Variants in NKAIN4 observed in about 807,000 individuals in gnomAD.
The protein encoded by NKAIN4 is sodium/potassium transporting ATPase interacting 4, also known as sodium/potassium-transporting ATPase subunit beta-1-interacting protein 4.
A neutral mutation model predicts 28.8 loss-of-function variants in NKAIN4; 28 were observed. The observed-to-expected ratio is 0.97, with a 90% CI of 0.72 to 1.33. The LOEUF (loss-of-function observed/expected upper bound fraction) is 1.33, where lower values mean the gene tolerates loss of function less well. Among genes scored for constraint, NKAIN4 ranks in the 40% most tolerant of loss-of-function variants. The probability of loss-of-function intolerance (pLI) is 0.00; values close to 1 mark genes in which losing one functional copy is unlikely to be tolerated. For missense variants in NKAIN4, 289 were observed against 277.2 expected (o/e 1.04, Z -0.30); for synonymous variants, 122 against 115.6 (o/e 1.06, Z -0.36).
intron 4 of NKAIN4, chr20:63,246,798 G>T: frequency 1.0e-6 from 1 of 985,458 alleles, no homozygotes; most frequent in South Asian, 4.7e-5. Context: ...ACCCGCCTCA[G>T]CTTTTGCCTC....
At chr20:63,241,969 C>A (rs1029137815) in intron 6 of NKAIN4, among the ~76,000 whole-genome samples, 1 of 152,112 alleles carries the variant, frequency 6.6e-6, no homozygotes, top group Non-Finnish European at 1.5e-5. Context: ...TGTCTGGGGG[C>A]CTGGGCAGCC....
rs1291684990 is a variant in NKAIN4, at chr20:63,241,407, G to T, written c.*90C>A. 8.5e-6 allele frequency: 12 copies of T among 1,407,742 alleles called. No homozygotes were observed. The highest frequency in any genetic ancestry group is 1.4e-5 in the African/African-American group (1 of 70,264). The allele number at this position is 1,407,742 out of a possible 1,614,324, so 87.2% of individuals were successfully genotyped here. A position where few individuals can be genotyped will look rare whatever the true frequency, so the allele number is the denominator to read the frequency against. The stretch of plus-strand genomic sequence containing the variant: ...GCCGCCTGGGGGGTGCTGGGTGGGG[G>T]CGCGTCCCAAGGCCTGGGAGCTCCT... On this transcript the variant is annotated 3_prime_UTR_variant, in exon 7 of 7. Transcript: ENST00000370316.
At chr20:63,242,848 G>A (rs920797293) in intron 5 of NKAIN4, among the ~76,000 whole-genome samples, 5 of 148,144 alleles carry the variant, frequency 3.4e-5, no homozygotes, top group African/African-American at 1.2e-4. Flanking sequence ...GACAGTGGGG[G>A]TGGGACAGCC....
rs2066831547 is a variant in NKAIN4, at chr20:63,245,077, C to T, written c.472-993G>A. On this transcript the variant is annotated intron_variant, in intron 4 of 6. Coordinates refer to ENST00000370316, the MANE Select transcript of NKAIN4 (RefSeq NM_152864.4). This position sits in a 1 kb window ranked among gnomAD's most constrained non-coding sequence, Gnocchi z 4.7. ...ACGCAGGCCAGGCCCCAGGGCTGGACATGCTTGGGCTCCGTCCCCCCGACC... is the reference window on the plus strand; with the variant it reads ...ACGCAGGCCAGGCCCCAGGGCTGGATATGCTTGGGCTCCGTCCCCCCGACC... 6.6e-6 allele frequency among the ~76,000 whole-genome samples: 1 copy of T among 152,186 alleles called. No individual in the cohort carries two copies. Among genetic ancestry groups the T allele is most frequent in the African/African-American group, 2.4e-5 (1 of 41,454 alleles).
At chr20:63,253,119 C>T (rs1168716582) in intron 1 of NKAIN4, 1 of 761,444 alleles carries the variant, frequency 1.3e-6, no homozygotes, top group Non-Finnish European at 1.6e-6. Flanking sequence ...CCGACGGGCA[C>T]TGGAGTCTTC....
In NKAIN4 at chr20:63,242,593, G is replaced by C; in HGVS notation, c.563C>G (p.Pro188Arg). The change falls in exon 6 of 7, where the codon CCT (proline) becomes CGT (arginine). Residue 188 changes from proline to arginine, a missense_variant. Coordinates refer to ENST00000370316, the MANE Select transcript of NKAIN4 (RefSeq NM_152864.4). ...FDFIGGFDPF[P>R]LYHVNEKPSS... ...TGGCTTTTCATTGACATGGTAGAGA[G>C]GAAATGGATCAAATCCACCAATGAA... 1 of 1,613,384 alleles carries C rather than the reference G, an allele frequency of 6.2e-7. No homozygotes were observed. The highest frequency in any genetic ancestry group is 8.5e-7 in the Non-Finnish European group (1 of 1,179,556).
In NKAIN4 at chr20:63,245,959, G is replaced by A. The variant is rs941748018; in HGVS notation, c.471+1619C>T. Among the ~76,000 whole-genome samples, 2 of 146,460 alleles carry A rather than the reference G, an allele frequency of 1.4e-5. No homozygotes were observed. The highest frequency in any genetic ancestry group is 3.0e-5 in the Non-Finnish European group (2 of 67,256). ...TTTTTTTTTTTTGAGACAGAGTCTC[G>A]CTCTGTCACCCAGGCTGGAGTGCAG... On this transcript the variant is annotated intron_variant, in intron 4 of 6. Transcript: ENST00000370316. The surrounding 1 kb of genome is among the most constrained non-coding windows in gnomAD (Gnocchi z 4.7).
At chr20:63,250,678 C>T (rs73153533) in intron 1 of NKAIN4, among the ~76,000 whole-genome samples, 2,022 of 151,436 alleles carry the variant, frequency 0.013, 25 homozygotes, top group Non-Finnish European at 0.02. Context: ...TACACAGGGC[C>T]GAGAGAGAAC....
chr20:63,247,578 C>G lies in NKAIN4; in HGVS notation c.471G>C (p.Ala157=). ...CGGGGGCCCCCTTCCCCACGCTCACCGCGATCAGGATCTGCAGGCAACTGT... is the reference window on the plus strand; with the variant it reads ...CGGGGGCCCCCTTCCCCACGCTCACGGCGATCAGGATCTGCAGGCAACTGT... ...ALHSCLQILI[A]LLGFVCGCQV... The change falls in exon 4 of 7, where the codon GCG becomes GCC. Residue 157 remains alanine, a splice_region_variant and synonymous_variant. Transcript: ENST00000370316. 6.5e-7 allele frequency: 1 copy of G among 1,546,454 alleles called. No individual in the cohort carries two copies. The highest frequency in any genetic ancestry group is 8.7e-7 in the Non-Finnish European group (1 of 1,144,568).
rs2123131986 is a variant in NKAIN4, at chr20:63,252,322, G to A, written c.54+2075C>T. On this transcript the variant is annotated intron_variant, in intron 1 of 6. Coordinates refer to ENST00000370316, the MANE Select transcript of NKAIN4 (RefSeq NM_152864.4). This position sits in a 1 kb window ranked among gnomAD's most constrained non-coding sequence, Gnocchi z 4.6. ...CCCAGGGTCTCCTCAATGCAGCAGG[G>A]CAGAGCCTGGGAATTGGACGCAGCA... Among the ~76,000 whole-genome samples, 1 of 152,230 alleles carries A rather than the reference G, an allele frequency of 6.6e-6. No individual in the cohort carries two copies. The highest frequency in any genetic ancestry group is 1.9e-4 in the East Asian group (1 of 5,172).
chr20:63,243,471 C>T (rs560728126), intron 5 of NKAIN4, among the ~76,000 whole-genome samples: 7 of 152,150 alleles, frequency 4.6e-5, no homozygotes, highest in Non-Finnish European at 8.8e-5. Flanking sequence ...CTTCCCCACC[C>T]GGCTCTATCC....
intron 1 of NKAIN4, among the ~76,000 whole-genome samples, chr20:63,253,062 C>T (rs1266057880): frequency 6.6e-6 from 1 of 152,208 alleles, no homozygotes; most frequent in East Asian, 1.9e-4. Context: ...GGCCATGCTC[C>T]AAACTGGGGT....
At chr20:63,244,655 C>A in intron 4 of NKAIN4, 2 of 416,290 alleles carry the variant, frequency 4.8e-6, no homozygotes, top group Non-Finnish European at 9.9e-6. Context: ...AGGGGTCAGG[C>A]AGGGAGAGGG....
At chr20:63,246,800 T>C in intron 4 of NKAIN4, 1 of 985,422 alleles carries the variant, frequency 1.0e-6, no homozygotes, top group Non-Finnish European at 1.2e-6. Flanking sequence ...CCGCCTCAGC[T>C]TTTGCCTCTT....
chr20:63,247,241 G>A (rs1435092328), intron 4 of NKAIN4: 5 of 1,239,678 alleles, frequency 4.0e-6, no homozygotes, highest in Non-Finnish European at 5.1e-6. Flanking sequence ...GAAGATGCAT[G>A]CCCCTCCTCC....
Position 63,245,005 on chromosome 20 carries a change from C to T in NKAIN4, c.472-921G>A, listed in dbSNP as rs2066830044. ...GGTTTCTTCCTCCATAGACTTGGCC[C>T]AACAGCCCCCCGTGAAGGCCACCGT... On this transcript the variant is annotated intron_variant, in intron 4 of 6. Coordinates refer to ENST00000370316, the MANE Select transcript of NKAIN4 (RefSeq NM_152864.4). This position sits in a 1 kb window ranked among gnomAD's most constrained non-coding sequence, Gnocchi z 4.7. Among the ~76,000 whole-genome samples the T allele has an allele frequency of 6.6e-6, 1 of 152,196 alleles. No individual in the cohort carries two copies. Among genetic ancestry groups the T allele is most frequent in the Admixed American group, 6.5e-5 (1 of 15,286 alleles).
chr20:63,253,511 G>T, intron 1 of NKAIN4: 12 of 985,552 alleles, frequency 1.2e-5, no homozygotes, highest in Non-Finnish European at 1.4e-5. Flanking sequence ...GAGGAGGGGG[G>T]CGCGCGGTCC....
rs548918350 is a variant in NKAIN4, at chr20:63,252,377, A to G, written c.54+2020T>C. Among the ~76,000 whole-genome samples, 18 of 151,950 alleles carry G rather than the reference A, an allele frequency of 1.2e-4. No homozygotes were observed. The highest frequency in any genetic ancestry group is 1.9e-4 in the African/African-American group (8 of 41,422). ...CCGGCTCAGAGCCAGCAAAGTTCAC[A>G]CTGTTCTTTGGGGAGAAAGGCGCTC... On this transcript the variant is annotated intron_variant, in intron 1 of 6. Transcript: ENST00000370316. This position sits in a 1 kb window ranked among gnomAD's most constrained non-coding sequence, Gnocchi z 4.6.
At chr20:63,253,472 G>T (rs967624320) in intron 1 of NKAIN4, 1 of 985,430 alleles carries the variant, frequency 1.0e-6, no homozygotes, top group East Asian at 1.1e-4. Flanking sequence ...CTCTGAAACA[G>T]CCCCTTCTGG....
Sources: gnomAD v4.1 joint callset for allele counts (sites outside exome capture counted in the v4.1 genomes callset) on GRCh38, gnomAD v4.1.1 for gene constraint, Gnocchi (gnomAD v3.1) non-coding constraint, MANE v1.5 for transcripts, NCBI Gene and HGNC (gene_info 2026-07-23, HGNC 2026-07-21) for gene names.